Variants in SPAG16 observed in about 807,000 individuals in gnomAD.
The protein encoded by SPAG16 is sperm-associated antigen 16 protein.
Under a neutral mutation model 80.4 loss-of-function variants are expected in SPAG16, and 86 were observed. That is an observed-to-expected ratio of 1.07 (90% CI 0.90 to 1.28). The LOEUF (loss-of-function observed/expected upper bound fraction) is 1.28. Among genes scored for constraint, SPAG16 ranks in the 50% most tolerant of loss-of-function variants. SPAG16 has a pLI of 0.00. For synonymous variants in SPAG16, 294 were observed against 265.9 expected (o/e 1.11, Z -1.03); for missense variants, 870 against 765.3 (o/e 1.14, Z -1.61).
At chr2:213,894,944 G>A (rs1177080934) in intron 11 of SPAG16, among the ~76,000 whole-genome samples, 2 of 130,584 alleles carry the variant, frequency 1.5e-5, no homozygotes, top group South Asian at 2.5e-4. Flanking sequence ...AGCTGAGATC[G>A]TGCCATTGCA....
chr2:213,697,701 G>A (rs971316412), intron 10 of SPAG16, among the ~76,000 whole-genome samples: 43 of 152,102 alleles, frequency 2.8e-4, no homozygotes, highest in African/African-American at 9.4e-4. Context: ...GTACTGTGTT[G>A]CAGCAGCAAT....
At chr2:214,065,471 G>C (rs1233205871) in intron 13 of SPAG16, among the ~76,000 whole-genome samples, 4 of 152,046 alleles carry the variant, frequency 2.6e-5, no homozygotes, top group Non-Finnish European at 5.9e-5. Context: ...ACAGTGAAGG[G>C]AAAAATACCT....
chr2:213,369,981 C>T (rs1016639815), intron 8 of SPAG16, among the ~76,000 whole-genome samples: 7 of 152,148 alleles, frequency 4.6e-5, no homozygotes, highest in African/African-American at 1.4e-4. Flanking sequence ...ACATTTATGA[C>T]GTGTATCCAA....
chr2:214,103,262 T>C (rs1200375945), intron 13 of SPAG16, among the ~76,000 whole-genome samples: 1 of 152,172 alleles, frequency 6.6e-6, no homozygotes, highest in Non-Finnish European at 1.5e-5. Context: ...AATATCATTT[T>C]TAGAGAGGCA....
chr2:213,285,010 A>G (rs781486624), intron 1 of SPAG16, among the ~76,000 whole-genome samples: 4 of 152,160 alleles, frequency 2.6e-5, no homozygotes, highest in Non-Finnish European at 4.4e-5. Context: ...AATAAATTCA[A>G]CGGAGGAACG....
intron 10 of SPAG16, among the ~76,000 whole-genome samples, chr2:213,781,809 ATTGTCT>A (rs1559464477): frequency 6.6e-6 from 1 of 152,170 alleles, no homozygotes; most frequent in Non-Finnish European, 1.5e-5. Context: ...TCCTTCTGTG[ATTGTCT>A]TTTGGAGCAT....
chr2:214,273,144 T>A (rs1445265114), intron 15 of SPAG16, among the ~76,000 whole-genome samples: 1 of 152,092 alleles, frequency 6.6e-6, no homozygotes, highest in Non-Finnish European at 1.5e-5. Flanking sequence ...GGGTTGTATG[T>A]TTTTTTCTTG....
At chr2:213,654,540 C>CAAA (rs36009811) in intron 10 of SPAG16, among the ~76,000 whole-genome samples, 16 of 56,716 alleles carry the variant, frequency 2.8e-4, no homozygotes, top group African/African-American at 7.6e-4. Context: ...ACTAAAAATA[C>CAAA]AAAAAAAAAA....
chr2:213,445,520 G>A (rs1317548724), intron 9 of SPAG16, among the ~76,000 whole-genome samples: 1 of 152,064 alleles, frequency 6.6e-6, no homozygotes, highest in Non-Finnish European at 1.5e-5. Context: ...AAATTAGCTG[G>A]GCGTAGTGGT....
chr2:214,037,660 T>G (rs1328849605), intron 13 of SPAG16, among the ~76,000 whole-genome samples: 1 of 152,110 alleles, frequency 6.6e-6, no homozygotes, highest in Non-Finnish European at 1.5e-5. Flanking sequence ...TTTTTGATTC[T>G]CCTTAATTTT....
At chr2:213,668,923 C>T (rs2063716091) in intron 10 of SPAG16, among the ~76,000 whole-genome samples, 1 of 152,178 alleles carries the variant, frequency 6.6e-6, no homozygotes, top group Non-Finnish European at 1.5e-5. Flanking sequence ...GCTGGGATTA[C>T]AGGCATGAGC....
chr2:214,052,695 G>A (rs924816659), intron 13 of SPAG16, among the ~76,000 whole-genome samples: 7 of 152,094 alleles, frequency 4.6e-5, no homozygotes, highest in Non-Finnish European at 5.9e-5. Context: ...AATTTTAATT[G>A]CACTTTGGTT....
intron 9 of SPAG16, chr2:213,422,603 G>A (rs2069665856): frequency 2.8e-6 from 1 of 361,636 alleles, no homozygotes; most frequent in African/African-American, 2.0e-5. Context: ...TTTCTGGCTG[G>A]AAAAGTGACA....
intron 15 of SPAG16, among the ~76,000 whole-genome samples, chr2:214,363,864 A>G (rs1224309078): frequency 2.0e-5 from 3 of 152,102 alleles, no homozygotes; most frequent in Admixed American, 6.6e-5. Context: ...AGTTCTTGCT[A>G]TAAGTTTTGT....
At chr2:214,252,354 G>C (rs560160711) in intron 15 of SPAG16, among the ~76,000 whole-genome samples, 20 of 151,846 alleles carry the variant, frequency 1.3e-4, no homozygotes, top group Non-Finnish European at 2.5e-4. Flanking sequence ...GTTCAGGTTT[G>C]TTACATAGGT....
At chr2:214,402,469 C>G (rs1322031459) in intron 15 of SPAG16, among the ~76,000 whole-genome samples, 1 of 151,378 alleles carries the variant, frequency 6.6e-6, no homozygotes. Flanking sequence ...TTCAGCAAAA[C>G]AAGAACTGTT....
chr2:214,321,739 A>G (rs112457347), intron 15 of SPAG16, among the ~76,000 whole-genome samples: 2 of 152,342 alleles, frequency 1.3e-5, no homozygotes, highest in African/African-American at 2.4e-5. Flanking sequence ...TTAGACTGGT[A>G]TATTATTGAA....
At chr2:213,331,749 T>C (rs913221151) in intron 5 of SPAG16, among the ~76,000 whole-genome samples, 3 of 152,214 alleles carry the variant, frequency 2.0e-5, no homozygotes, top group Non-Finnish European at 4.4e-5. Context: ...CATATGAACA[T>C]GTAGAAATTT....
intron 13 of SPAG16, among the ~76,000 whole-genome samples, chr2:214,017,002 C>A (rs573361083): frequency 6.6e-6 from 1 of 152,026 alleles, no homozygotes; most frequent in African/African-American, 2.4e-5. Context: ...CCTGTTTAGA[C>A]CTCTGAGGCC....
Sources: gnomAD v4.1 joint callset for allele counts (sites outside exome capture counted in the v4.1 genomes callset) on GRCh38, gnomAD v4.1.1 for gene constraint, MANE v1.5 for transcripts, NCBI Gene and HGNC (gene_info 2026-07-23, HGNC 2026-07-21) for gene names.